Variants in UNC5D observed in about 807,000 individuals in gnomAD.
UNC5D encodes netrin receptor UNC5D.
In UNC5D, 39 loss-of-function variants were observed where a neutral mutation model predicts 105.4. The observed-to-expected ratio is 0.37, with a 90% CI of 0.29 to 0.48. The LOEUF (loss-of-function observed/expected upper bound fraction) is 0.48. Among genes scored for constraint, UNC5D ranks in the 20% least tolerant of loss-of-function variants. The probability of loss-of-function intolerance (pLI) is 0.98; values close to 1 mark genes in which losing one functional copy is unlikely to be tolerated. For missense variants in UNC5D, 991 were observed against 1,202.4 expected (o/e 0.82, Z 2.60); for synonymous variants, 452 against 450.4 (o/e 1.00, Z -0.04).
chr8:35,542,087 CAAT>C (rs1815318694), intron 1 of UNC5D, among the ~76,000 whole-genome samples: 1 of 152,074 alleles, frequency 6.6e-6, no homozygotes, highest in African/African-American at 2.4e-5. Flanking sequence ...GATGCAAACG[CAAT>C]GATATAAAAC....
At chr8:35,525,749 C>A (rs910573628) in intron 1 of UNC5D, 13 of 1,560,878 alleles carry the variant, frequency 8.3e-6, no homozygotes, top group Non-Finnish European at 1.1e-5. Flanking sequence ...AGTACTCGCC[C>A]GGAGGAGCCG....
Position 35,764,256 on chromosome 8 carries a change from T to C in UNC5D, c.2314-2646T>C, listed in dbSNP as rs184669868. On this transcript the variant is annotated intron_variant, in intron 14 of 16. Transcript: ENST00000404895. ...GAAGTAAAGACCAAACAAGATTATT[T>C]GTAGTGCTTAGGGGTATAATGCCAG... 1.9e-3 allele frequency among the ~76,000 whole-genome samples: 283 copies of C among 152,258 alleles called. 2 individuals are homozygous for C. The highest frequency in any genetic ancestry group is 5.8e-3 in the Admixed American group (88 of 15,276).
At chr8:35,789,188 T>TATATATATAA (rs56240820) in intron 16 of UNC5D, among the ~76,000 whole-genome samples, 1 of 99,910 alleles carries the variant, frequency 1.0e-5, no homozygotes, top group Non-Finnish European at 2.0e-5. Flanking sequence ...TATATATATA[T>TATATATATAA]GAGATAGGGA....
At chr8:35,692,149 A>G (rs1270471760) in intron 7 of UNC5D, among the ~76,000 whole-genome samples, 1 of 152,222 alleles carries the variant, frequency 6.6e-6, no homozygotes, top group Non-Finnish European at 1.5e-5. Context: ...GGCTACAGTG[A>G]TAAGAAAAGT....
At chr8:35,303,630 T>C (rs996637528) in intron 1 of UNC5D, among the ~76,000 whole-genome samples, 1 of 152,196 alleles carries the variant, frequency 6.6e-6, no homozygotes, top group Non-Finnish European at 1.5e-5. Context: ...TTTACTTAGT[T>C]GGATACATTC....
intron 1 of UNC5D, among the ~76,000 whole-genome samples, chr8:35,326,174 C>A (rs139519907): frequency 1.3e-5 from 2 of 152,126 alleles, no homozygotes; most frequent in Admixed American, 6.5e-5. Flanking sequence ...CAGGCCTAAG[C>A]GGGCTGTCCC....
chr8:35,705,812 T>TA (rs1827538918), intron 7 of UNC5D, 117 bp from the exon 8 acceptor site: 1 of 592,682 alleles, frequency 1.7e-6, no homozygotes, highest in Admixed American at 4.3e-5. Flanking sequence ...CTGTTGTCCA[T>TA]AAAAATGGAG....
chr8:35,711,712 C>A (rs1184205500), intron 8 of UNC5D, among the ~76,000 whole-genome samples: 2 of 152,166 alleles, frequency 1.3e-5, no homozygotes, highest in Admixed American at 6.5e-5. Flanking sequence ...GTCTGCAAGG[C>A]CTTCAACCTA....
intron 1 of UNC5D, among the ~76,000 whole-genome samples, chr8:35,368,606 T>G (rs1437525243): frequency 6.7e-6 from 1 of 149,944 alleles, no homozygotes; most frequent in Non-Finnish European, 1.5e-5. Flanking sequence ...ATTAAATATA[T>G]ATAAATAATA....
intron 4 of UNC5D, among the ~76,000 whole-genome samples, chr8:35,601,987 A>G (rs1024954812): frequency 6.6e-6 from 1 of 152,138 alleles, no homozygotes; most frequent in Admixed American, 6.6e-5. Context: ...TACCTAATTT[A>G]TTGAGAGTTT....
chr8:35,671,188 G>A (rs1343673925), intron 4 of UNC5D, among the ~76,000 whole-genome samples: 3 of 151,954 alleles, frequency 2.0e-5, no homozygotes, highest in African/African-American at 7.2e-5. Context: ...TTATTAATCC[G>A]TGATCTCTTG....
chr8:35,575,487 A>G (rs543813394), intron 3 of UNC5D, among the ~76,000 whole-genome samples: 14 of 152,260 alleles, frequency 9.2e-5, no homozygotes, highest in South Asian at 8.3e-4. Flanking sequence ...CAATGAAGCC[A>G]TTCTAAAATG....
At chr8:35,429,828 A>G (rs1187132327) in intron 1 of UNC5D, among the ~76,000 whole-genome samples, 1 of 151,940 alleles carries the variant, frequency 6.6e-6, no homozygotes, top group Admixed American at 6.6e-5. Flanking sequence ...TTTTTTTGTT[A>G]CTATAGAGCC....
chr8:35,633,748 A>T (rs1822190479), intron 4 of UNC5D, among the ~76,000 whole-genome samples: 1 of 152,158 alleles, frequency 6.6e-6, no homozygotes, highest in Non-Finnish European at 1.5e-5. Context: ...GATACAGCTT[A>T]TAATATTCCT....
At chr8:35,525,599 G>C (rs1207417031) in intron 1 of UNC5D, 4 of 1,613,192 alleles carry the variant, frequency 2.5e-6, no homozygotes, top group South Asian at 1.1e-5. Context: ...TTATGAGCAA[G>C]ATGTCTGCAT....
chr8:35,631,013 TA>T (rs1265799651), intron 4 of UNC5D, among the ~76,000 whole-genome samples: 73 of 152,328 alleles, frequency 4.8e-4, no homozygotes, highest in Non-Finnish European at 7.9e-4. Flanking sequence ...AAAGGAGTCT[TA>T]AAAATCATTT....
intron 3 of UNC5D, 144 bp downstream of exon 3, chr8:35,568,385 A>G: frequency 7.9e-7 from 1 of 1,269,848 alleles, no homozygotes; most frequent in South Asian, 1.7e-5. Context: ...GTTATTTTAA[A>G]ATGTTTGATA....
chr8:35,520,108 C>T (rs1813363186), intron 1 of UNC5D, among the ~76,000 whole-genome samples: 1 of 152,040 alleles, frequency 6.6e-6, no homozygotes, highest in Admixed American at 6.6e-5. Context: ...CATGTAAAAT[C>T]TCGTTCATGA....
chr8:35,670,853 G>A (rs1824744671), intron 4 of UNC5D, among the ~76,000 whole-genome samples: 2 of 152,102 alleles, frequency 1.3e-5, no homozygotes, highest in Admixed American at 1.3e-4. Flanking sequence ...TTCTGCACAT[G>A]TATCCTGGAA....
Sources: allele counts gnomAD v4.1 joint callset (sites outside exome capture counted in the v4.1 genomes callset), GRCh38; gene constraint gnomAD v4.1.1; transcripts MANE v1.5; gene names NCBI Gene and HGNC (gene_info 2026-07-23, HGNC 2026-07-21).